The following GPD1 variants were observed in gnomAD, a reference collection of about 807,000 sequenced individuals.
GPD1 encodes the protein glycerol-3-phosphate dehydrogenase 1, also known as glycerol-3-phosphate dehydrogenase [NAD(+)], cytoplasmic.
In GPD1, 19 loss-of-function variants were observed where a neutral mutation model predicts 34.4. The observed-to-expected ratio is 0.55, with a 90% confidence interval of 0.39 to 0.81. GPD1 has a LOEUF of 0.81. Among genes scored for constraint, GPD1 ranks in the 30% least tolerant of loss-of-function variants. GPD1 has a pLI of 0.00. For missense variants in GPD1, 429 were observed against 447.0 expected, an observed-to-expected ratio of 0.96 and a Z score of 0.36; for synonymous variants, 172 against 174.1, an observed-to-expected ratio of 0.99 and a Z score of 0.09.
At chr12:50,107,225 C>A in intron 5 of GPD1, 1 of 652,240 alleles carries the variant, frequency 1.5e-6, no homozygotes, top group Non-Finnish European at 2.8e-6. Flanking sequence ...TAATGGGAGA[C>A]AAAACATCCT....
Position 50,107,602 on chromosome 12 carries a change from C to G in GPD1, c.648C>G (p.Gly216=). Residue 216 remains glycine, a synonymous_variant, in exon 6 of 8, where the codon GGC becomes GGG. Transcript: ENST00000301149. The part of the protein sequence containing the change: ...VVAVGAGFCD[G]LGFGDNTKAA... ...CCGTGGGGGCTGGCTTCTGTGATGG[C>G]CTGGGCTTTGGCGACAACACCAAGG... 6.2e-7 allele frequency: 1 copy of G among 1,614,074 alleles called. No homozygotes were observed. The highest frequency in any genetic ancestry group is 1.1e-5 in the South Asian group (1 of 91,080).
At position 50,109,828 on chromosome 12, in the gene GPD1, G is replaced by C. The variant is rs1951009677; in HGVS notation, c.*309G>C. The C allele has an allele frequency of 5.8e-6, 2 of 347,512 alleles. No individual in the cohort carries two copies. Among genetic ancestry groups the C allele is most frequent in the Non-Finnish European group, 1.1e-5 (2 of 182,038 alleles). 21.5% of individuals were successfully genotyped at this position (347,512 alleles called of 1,614,324 possible). The stretch of plus-strand genomic sequence containing the variant: ...CCAGTGCTGCCTGCTTGGTGGCGGG[G>C]GTGATGTATGTGGAGAAGGGTTGGG... On this transcript the variant is annotated 3_prime_UTR_variant, in exon 8 of 8. Coordinates refer to ENST00000301149, the MANE Select transcript of GPD1 (RefSeq NM_005276.4).
chr12:50,107,168 C>T (rs1318551103), intron 5 of GPD1: 4 of 670,216 alleles, frequency 6.0e-6, no homozygotes, highest in Non-Finnish European at 1.1e-5. Flanking sequence ...GACTCCCCAC[C>T]CTCTGGCTCC....
intron 2 of GPD1, among the ~76,000 whole-genome samples, chr12:50,104,992 G>A (rs1039840263): frequency 1.3e-5 from 2 of 152,250 alleles, no homozygotes; most frequent in African/African-American, 4.8e-5. Context: ...GGTCTCCATG[G>A]CAGCCAAAGA....
chr12:50,105,987 C>A, intron 3 of GPD1: 1 of 646,232 alleles, frequency 1.5e-6, no homozygotes, highest in Non-Finnish European at 2.8e-6. Context: ...TGAAGAGTAG[C>A]TGGTTTGGAG....
chr12:50,106,397 CTGA>C lies in GPD1; in HGVS notation c.474_476del (p.Asp158del), dbSNP rs1950978907. The C allele has an allele frequency of 6.2e-7, 1 of 1,613,816 alleles. No homozygotes were observed. The highest frequency in any genetic ancestry group is 8.5e-7 in the Non-Finnish European group (1 of 1,179,892). ...GGGGCCAACATTGCCAGCGAGGTGG[CTGA>C]TGAGAAGTTCTGTGAGACAACCATT... On this transcript the variant is annotated inframe_deletion, in exon 4 of 8. Coordinates refer to ENST00000301149, the MANE Select transcript of GPD1 (RefSeq NM_005276.4).
At chr12:50,105,383 T>G (rs1592300861) in intron 2 of GPD1, 165 bp from the exon 3 acceptor site, 10 of 629,854 alleles carry the variant, frequency 1.6e-5, no homozygotes, top group South Asian at 4.2e-5. Flanking sequence ...GGGGAGGGAG[T>G]AGAGTGTCTT....
chr12:50,107,955 C>T (rs1196986332), intron 6 of GPD1, 69 bp from the exon 7 acceptor site: 12 of 1,087,936 alleles, frequency 1.1e-5, no homozygotes, highest in Non-Finnish European at 1.4e-6. Context: ...ATCTGAGCTC[C>T]AGTCTCTCCA....
At chr12:50,106,152 G>A in intron 3 of GPD1, 136 bp from the exon 4 acceptor site, 1 of 756,392 alleles carries the variant, frequency 1.3e-6, no homozygotes, top group Non-Finnish European at 2.1e-6. Context: ...CAGCAAACTT[G>A]AGCTGGGTTG....
intron 7 of GPD1, among the ~76,000 whole-genome samples, chr12:50,109,049 C>A (rs545653075): frequency 6.7e-6 from 1 of 150,038 alleles, no homozygotes; most frequent in East Asian, 2.0e-4. Context: ...GCAGGAGAAT[C>A]GCTTGAACCT....
intron 2 of GPD1, chr12:50,105,163 G>A (rs915483675): frequency 3.2e-6 from 1 of 309,410 alleles, no homozygotes; most frequent in African/African-American, 2.1e-5. Flanking sequence ...GCAGGGAAGA[G>A]AGCAGAAAGG....
chr12:50,104,641 A>T lies in GPD1; in HGVS notation c.109A>T (p.Thr37Ser), dbSNP rs750838256. 2.5e-6 allele frequency: 4 copies of T among 1,611,796 alleles called. No individual in the cohort carries two copies. The highest frequency in any genetic ancestry group is 3.4e-6 in the Non-Finnish European group (4 of 1,177,866). The change falls in exon 2 of 8, where the codon ACC becomes TCC. Residue 37 changes from threonine to serine, a missense_variant. By Grantham distance (58) the Thr-to-Ser change is moderately conservative. Transcript: ENST00000301149. The part of the protein sequence containing the change: ...AQLAQFDPRV[T>S]MWVFEEDIGG... ...GCTGGCACAGTTTGACCCACGGGTG[A>T]CCATGTGGGTATTTGAGGAAGACAT...
chr12:50,106,703 T>C lies in GPD1; in HGVS notation c.500-102T>C. 5.4e-6 allele frequency: 4 copies of C among 740,966 alleles called. No individual in the cohort carries two copies. The South Asian group carries it at 7.6e-5, about 14-fold the overall frequency. 45.9% of individuals were successfully genotyped at this position (740,966 alleles called of 1,614,324 possible). A position where few individuals can be genotyped will look rare whatever the true frequency, so the allele number is the denominator to read the frequency against. On this transcript the variant is annotated intron_variant, in intron 4 of 7. Transcript: ENST00000301149. Reference sequence around the variant, plus strand: ...GGGAGGATCGCTTAAGCCCAGGAGTTTGAGTCCAGCCTGGGCAACAGAGAG... The same window carrying C: ...GGGAGGATCGCTTAAGCCCAGGAGTCTGAGTCCAGCCTGGGCAACAGAGAG...
At chr12:50,108,620 C>G (rs1479624485) in intron 7 of GPD1, among the ~76,000 whole-genome samples, 1 of 152,050 alleles carries the variant, frequency 6.6e-6, no homozygotes, top group Non-Finnish European at 1.5e-5. Context: ...GAGAAAGACT[C>G]CTAGAAGAAG....
At chr12:50,109,134 C>CAAAAA (rs34926030) in intron 7 of GPD1, among the ~76,000 whole-genome samples, 2 of 64,352 alleles carry the variant, frequency 3.1e-5, no homozygotes, top group Non-Finnish European at 2.9e-5. Flanking sequence ...GAGTCTGTCT[C>CAAAAA]AAAAAAAAAA....
intron 4 of GPD1, 34 bp from the exon 5 acceptor site, chr12:50,106,771 C>T: frequency 8.4e-7 from 1 of 1,185,788 alleles, no homozygotes; most frequent in Non-Finnish European, 1.2e-6. Context: ...AAAAAGAGTC[C>T]TTCCCTCAAA....
chr12:50,107,828 G>C (rs1210073505), intron 6 of GPD1, 28 bp downstream of exon 6: 1 of 1,527,080 alleles, frequency 6.5e-7, no homozygotes, highest in Non-Finnish European at 9.1e-7. Context: ...GGAGAACAGA[G>C]GGGCGGCTCT....
At chr12:50,107,475 G>A (rs550407831) in intron 5 of GPD1, 92 bp from the exon 6 acceptor site, 4 of 958,500 alleles carry the variant, frequency 4.2e-6, no homozygotes, top group South Asian at 3.9e-5. Context: ...TTCTGCAGTG[G>A]GTGTCACGGC....
intron 7 of GPD1, among the ~76,000 whole-genome samples, 171 bp downstream of exon 7, chr12:50,108,301 C>T (rs1164853902): frequency 3.9e-5 from 6 of 152,178 alleles, no homozygotes; most frequent in Non-Finnish European, 8.8e-5. Context: ...GCCCATTGTC[C>T]GCCAGCTAGT....
Sources: allele counts gnomAD v4.1 joint callset (sites outside exome capture counted in the v4.1 genomes callset), GRCh38; gene constraint gnomAD v4.1.1; transcripts MANE v1.5; gene names NCBI Gene and HGNC (gene_info 2026-07-23, HGNC 2026-07-21).